BLTP3B: variants seen among roughly 807,000 people sequenced by gnomAD.
BLTP3B encodes UHRF1 (ICBP90) binding protein 1-like.
At chr12:100,052,639 T>TGG in the BLTP3B span, among the ~76,000 whole-genome samples, 1 of 151,800 alleles carries the variant, frequency 6.6e-6, no homozygotes, top group African/African-American at 2.4e-5. Context: ...TGGGAAAACA[T>TGG]CAGAAAAAGT....
the BLTP3B span, among the ~76,000 whole-genome samples, chr12:100,117,516 G>A: frequency 6.6e-6 from 1 of 151,860 alleles, no homozygotes; most frequent in Non-Finnish European, 1.5e-5. Context: ...AGGCTGGAGG[G>A]CAGTGGTGTG....
chr12:100,124,100 A>G, the BLTP3B span, among the ~76,000 whole-genome samples: 1 of 151,794 alleles, frequency 6.6e-6, no homozygotes, highest in African/African-American at 2.4e-5. Context: ...CCCCATCTCT[A>G]CGAGAATTTT....
At chr12:100,059,616 T>A in the BLTP3B span, 2 of 1,415,400 alleles carry the variant, frequency 1.4e-6, no homozygotes, top group Non-Finnish European at 1.9e-6. Flanking sequence ...AGCTCAGAAA[T>A]TCTTTTTCTT....
the BLTP3B span, among the ~76,000 whole-genome samples, chr12:100,129,149 T>C: frequency 1.3e-5 from 2 of 152,010 alleles, no homozygotes; most frequent in Non-Finnish European, 2.9e-5. Context: ...CACTTTTAAC[T>C]GTAATTCTCA....
At chr12:100,085,347 A>AT in the BLTP3B span, among the ~76,000 whole-genome samples, 2 of 108,918 alleles carry the variant, frequency 1.8e-5, no homozygotes, top group Non-Finnish European at 4.2e-5. Context: ...GCCTTGGATC[A>AT]AAAAAAAAAA....
chr12:100,073,741 C>T, the BLTP3B span, among the ~76,000 whole-genome samples: 1 of 152,070 alleles, frequency 6.6e-6, no homozygotes, highest in South Asian at 2.1e-4. Flanking sequence ...AAATATGATT[C>T]ACCACAAACA....
the BLTP3B span, among the ~76,000 whole-genome samples, chr12:100,087,053 G>A: frequency 6.6e-6 from 1 of 151,542 alleles, no homozygotes; most frequent in African/African-American, 2.4e-5. Context: ...CAGCTACTTG[G>A]GAGGCTGAGG....
At chr12:100,053,225 T>C in the BLTP3B span, among the ~76,000 whole-genome samples, 1 of 151,516 alleles carries the variant, frequency 6.6e-6, no homozygotes, top group Non-Finnish European at 1.5e-5. Context: ...GCCAACATGG[T>C]AAAACCCCAT....
the BLTP3B span, among the ~76,000 whole-genome samples, chr12:100,122,264 C>CAA: frequency 6.6e-6 from 1 of 152,098 alleles, no homozygotes; most frequent in African/African-American, 2.4e-5. Flanking sequence ...AAAGTGGAGC[C>CAA]ATAGGCAGTC....
the BLTP3B span, among the ~76,000 whole-genome samples, chr12:100,125,149 T>G: frequency 6.7e-6 from 1 of 148,598 alleles, no homozygotes; most frequent in African/African-American, 2.5e-5. Context: ...CCGGCCAACA[T>G]GGTGAAACCC....
chr12:100,082,083 T>C, the BLTP3B span, among the ~76,000 whole-genome samples: 5 of 152,164 alleles, frequency 3.3e-5, no homozygotes, highest in African/African-American at 1.2e-4. Flanking sequence ...TATTTTTTTG[T>C]GTTTTAATAA....
chr12:100,057,522 T>G, the BLTP3B span: 1 of 1,480,650 alleles, frequency 6.8e-7, no homozygotes, highest in South Asian at 1.4e-5. Context: ...CCTTTTCTCC[T>G]AAGGTGTATG....
chr12:100,091,558 A>G, the BLTP3B span, among the ~76,000 whole-genome samples: 1 of 151,510 alleles, frequency 6.6e-6, no homozygotes, highest in African/African-American at 2.4e-5. Flanking sequence ...GCTGGAGTGC[A>G]GTGGCATGAT....
At chr12:100,084,880 T>C in the BLTP3B span, among the ~76,000 whole-genome samples, 36 of 152,308 alleles carry the variant, frequency 2.4e-4, no homozygotes, top group South Asian at 5.2e-3. Context: ...TTCTATCTAG[T>C]ACCCATTCTT....
the BLTP3B span, chr12:100,047,970 T>C: frequency 3.9e-6 from 6 of 1,538,164 alleles, no homozygotes; most frequent in Non-Finnish European, 4.4e-6. Flanking sequence ...TGTTAGAAAC[T>C]TGTATCTTCA....
At chr12:100,056,841 G>C in the BLTP3B span, among the ~76,000 whole-genome samples, 1 of 151,298 alleles carries the variant, frequency 6.6e-6, no homozygotes, top group Non-Finnish European at 1.5e-5. Context: ...AAAAAAGAAA[G>C]AAAGAAAAAA....
At chr12:100,068,883 C>T in the BLTP3B span, among the ~76,000 whole-genome samples, 5 of 152,256 alleles carry the variant, frequency 3.3e-5, no homozygotes, top group South Asian at 4.1e-4. Context: ...TACTTCCACA[C>T]CGCTGGTGGG....
chr12:100,126,370 G>T, the BLTP3B span, among the ~76,000 whole-genome samples: 1 of 151,730 alleles, frequency 6.6e-6, no homozygotes, highest in Admixed American at 6.6e-5. Context: ...CCAAGCCAAC[G>T]AATATGGGTT....
the BLTP3B span, among the ~76,000 whole-genome samples, chr12:100,068,076 T>C: frequency 6.6e-6 from 1 of 152,104 alleles, no homozygotes; most frequent in African/African-American, 2.4e-5. Context: ...ACTGGAGGCA[T>C]CATATTACCT....
Sources: allele counts gnomAD v4.1 joint callset (sites outside exome capture counted in the v4.1 genomes callset), GRCh38; gene constraint gnomAD v4.1.1; transcripts MANE v1.5; gene names NCBI Gene and HGNC (gene_info 2026-07-23, HGNC 2026-07-21).